Variants in C4orf54 observed in about 807,000 individuals in gnomAD.
C4orf54 encodes the protein uncharacterized protein C4orf54.
In C4orf54, 67 loss-of-function variants were observed where a neutral mutation model predicts 80.1. The ratio of observed to expected loss-of-function variants is 0.84; its 90% CI spans 0.69 to 1.03. The LOEUF (loss-of-function observed/expected upper bound fraction) is 1.03, where lower values mean the gene tolerates loss of function less well. Ranked by LOEUF, C4orf54 falls within the 50% of genes least tolerant of loss-of-function variation. C4orf54 has a pLI of 0.00. For synonymous variants in C4orf54, 1,000 were observed against 917.0 expected (o/e 1.09, Z -1.64); for missense variants, 2,434 against 2,253.5 (o/e 1.08, Z -1.62).
Position 99,653,642 on chromosome 4 carries a change from C to G in C4orf54, c.1007G>C (p.Gly336Ala), listed in dbSNP as rs1020828481. The G allele has an allele frequency of 2.6e-6, 4 of 1,533,924 alleles. No homozygotes were observed. Among genetic ancestry groups the G allele is most frequent in the African/African-American group, 1.4e-5 (1 of 72,952 alleles). Residue 336 changes from glycine to alanine, a missense_variant, in exon 2 of 3, where the codon GGG (glycine) becomes GCG (alanine). Transcript: ENST00000511828. Reference protein sequence around the residue: ...SGGGGGGKGGGGGGAGDGTEC... With the variant: ...SGGGGGGKGGAGGGAGDGTEC... ...TGTTCCATCTCCTGCCCCTCCTCCC[C>G]CTCCTCCTTTTCCTCCTCCCCCTCC...
In C4orf54 at chr4:99,649,312, AG is replaced by A. The variant is rs773434919; in HGVS notation, c.5336del (p.Pro1779LeufsTer8). 2.0e-6 allele frequency: 3 copies of A among 1,535,006 alleles called. No individual in the cohort carries two copies. In the South Asian group the frequency reaches 3.6e-5, roughly 18 times the overall value. The part of the protein sequence containing the change: ...QPLGPRIIAP[P>X]SFDGTTMSFV... ...AGCTCATGGTGGTGCCATCAAAGGA[AG>A]GGGGAGCAATGATCCGTGGCCCCAG... On this transcript the variant is annotated frameshift_variant, in exon 2 of 3. Coordinates refer to ENST00000511828, the MANE Select transcript of C4orf54 (RefSeq NM_001354435.2). LOFTEE classifies it low-confidence loss of function (END_TRUNC).
Position 99,653,773 on chromosome 4 carries a change from G to A in C4orf54, c.876C>T (p.Ser292=). The A allele has an allele frequency of 6.5e-7, 1 of 1,536,132 alleles. No individual in the cohort carries two copies. ...GLSKMEDSTT[S]TGALATSSSS... ...AAGAGGAGGTGGCCAGAGCCCCTGT[G>A]GATGTGGTGGAGTCCTCCATTTTGG... The change falls in exon 2 of 3, where the codon TCC becomes TCT. Residue 292 remains serine, a synonymous_variant. Transcript: ENST00000511828.
rs150080186 is a variant in C4orf54, at chr4:99,654,265, G to A, written c.384C>T (p.Ser128=). The A allele has an allele frequency of 8.6e-3, 13,135 of 1,536,030 alleles. 64 individuals carry two copies. The highest frequency in any genetic ancestry group is 0.01 in the Non-Finnish European group (11,905 of 1,146,800). Residue 128 remains serine (S), a synonymous_variant, in exon 2 of 3, where the codon AGC becomes AGT. Coordinates refer to ENST00000511828, the MANE Select transcript of C4orf54 (RefSeq NM_001354435.2). Reference sequence around the variant, plus strand: ...GCGACAGGAAGAGACAATGGTGATCGCTGGGGAAGTCTTGGGTCCGTCTCT... The same window carrying A: ...GCGACAGGAAGAGACAATGGTGATCACTGGGGAAGTCTTGGGTCCGTCTCT... ...RGQRRTQDFP[S]DHHCLFLSLK...
chr4:99,655,864 G>T (rs1464982116), intron 1 of C4orf54, among the ~76,000 whole-genome samples: 2 of 152,176 alleles, frequency 1.3e-5, no homozygotes, highest in African/African-American at 4.8e-5. Flanking sequence ...AACCACATTT[G>T]CAGGGAACAA....
Position 99,649,966 on chromosome 4 carries a change from G to A in C4orf54, c.4683C>T (p.His1561=). The change falls in exon 2 of 3, where the codon CAC becomes CAT. Residue 1561 remains histidine (H), a synonymous_variant. Coordinates refer to ENST00000511828, the MANE Select transcript of C4orf54 (RefSeq NM_001354435.2). The part of the protein sequence containing the change: ...SPEHPPTTIY[H]QPPLPFTLQG... ...GTAGGGTGAAGGGCAGCGGCGGCTG[G>A]TGGTAGATGGTGGTGGGGGGATGCT... 1 of 1,534,344 alleles carries A rather than the reference G, an allele frequency of 6.5e-7. No homozygotes were observed. The highest frequency in any genetic ancestry group is 8.7e-7 in the Non-Finnish European group (1 of 1,145,590).
At position 99,652,621 on chromosome 4, in the gene C4orf54, C is replaced by T; in HGVS notation, c.2028G>A (p.Val676=). The T allele has an allele frequency of 1.3e-6, 2 of 1,536,060 alleles. No individual in the cohort carries two copies. The highest frequency in any genetic ancestry group is 1.7e-6 in the Non-Finnish European group (2 of 1,146,878). Residue 676 remains valine, a synonymous_variant, in exon 2 of 3, where the codon GTG becomes GTA. Transcript: ENST00000511828. ...DLKCGGVGAR[V]EQSLLRSSAA... Reference sequence around the variant, plus strand: ...CGCTGCTCCTGAGGAGGCTCTGCTCCACCCTGGCCCCAACACCCCCACATT... The same window carrying T: ...CGCTGCTCCTGAGGAGGCTCTGCTCTACCCTGGCCCCAACACCCCCACATT...
At position 99,637,985 on chromosome 4, in the gene C4orf54, T is replaced by A. The variant is rs963475866; in HGVS notation, c.*3248A>T. On this transcript the variant is annotated 3_prime_UTR_variant, in exon 3 of 3. Transcript: ENST00000511828. ...GTATTATTTCAGGTAACGTGAGCAT[T>A]CAATTTGTAGCAAACACAGACTTTG... The A allele has an allele frequency of 1.3e-5, 2 of 152,192 alleles. No individual in the cohort carries two copies. Among genetic ancestry groups the A allele is most frequent in the African/African-American group, 4.8e-5 (2 of 41,452 alleles). The allele number at this position is 152,192 out of a possible 1,614,324, so 9.4% of individuals were successfully genotyped here. A position where few individuals can be genotyped will look rare whatever the true frequency, so the allele number is the denominator to read the frequency against.
In C4orf54 at chr4:99,648,554, AGTGTGTGTGTGT is replaced by A. The variant is rs60651888; in HGVS notation, c.*36+665_*36+676del. ...ATCCTCCCTCCCCCATAGAGAACAA[AGTGTGTGTGTGT>A]GTGTGTGTGTGTGTGTGTGTAAGAC... On this transcript the variant is annotated intron_variant, in intron 2 of 2. Transcript: ENST00000511828. Among the ~76,000 whole-genome samples, 10 of 145,738 alleles carry A rather than the reference AGTGTGTGTGTGT, an allele frequency of 6.9e-5. No homozygotes were observed. The East Asian group carries it at 1.2e-3, about 18-fold the overall frequency.
In C4orf54 at chr4:99,640,109, T is replaced by C. The variant is rs558985256; in HGVS notation, c.*1124A>G. Reference sequence around the variant, plus strand: ...GTCTTCCAGTCTTCAAGACTCCCTGTGAACACTCACTCAAATAGCCTTCAG... The same window carrying C: ...GTCTTCCAGTCTTCAAGACTCCCTGCGAACACTCACTCAAATAGCCTTCAG... On this transcript the variant is annotated 3_prime_UTR_variant, in exon 3 of 3. Coordinates refer to ENST00000511828, the MANE Select transcript of C4orf54 (RefSeq NM_001354435.2). 1.3e-5 allele frequency: 2 copies of C among 152,316 alleles called. No homozygotes were observed. Among genetic ancestry groups the C allele is most frequent in the African/African-American group, 2.4e-5 (1 of 41,588 alleles). The allele number at this position is 152,316 out of a possible 1,614,324, so 9.4% of individuals were successfully genotyped here.
intron 2 of C4orf54, 31 bp downstream of exon 2, chr4:99,649,199 TA>T: frequency 6.9e-7 from 1 of 1,445,568 alleles, no homozygotes; most frequent in South Asian, 1.5e-5. Flanking sequence ...CTTACTCTCT[TA>T]AACCTGATTA....
intron 2 of C4orf54, among the ~76,000 whole-genome samples, chr4:99,648,208 G>A (rs900251011): frequency 2.6e-5 from 4 of 152,106 alleles, no homozygotes; most frequent in Non-Finnish European, 5.9e-5. Context: ...ATCTGAAGGT[G>A]TCTTTGCCCT....
intron 2 of C4orf54, among the ~76,000 whole-genome samples, chr4:99,648,929 C>T (rs953038155): frequency 1.2e-4 from 18 of 152,110 alleles, no homozygotes; most frequent in African/African-American, 3.4e-4. Flanking sequence ...ACGTTCACCA[C>T]GGACAGACTG....
chr4:99,637,960 G>T lies in C4orf54; in HGVS notation c.*3273C>A, dbSNP rs1726537306. On this transcript the variant is annotated 3_prime_UTR_variant, in exon 3 of 3. Coordinates refer to ENST00000511828, the MANE Select transcript of C4orf54 (RefSeq NM_001354435.2). Reference sequence around the variant, plus strand: ...ATACTGTCCTGTCCTGCAGTCCAAAGTATTATTTCAGGTAACGTGAGCATT... The same window carrying T: ...ATACTGTCCTGTCCTGCAGTCCAAATTATTATTTCAGGTAACGTGAGCATT... 6.6e-6 allele frequency: 1 copy of T among 152,124 alleles called. No individual in the cohort carries two copies. Among genetic ancestry groups the T allele is most frequent in the African/African-American group, 2.4e-5 (1 of 41,438 alleles). 9.4% of individuals were successfully genotyped at this position (152,124 alleles called of 1,614,324 possible).
Position 99,654,585 on chromosome 4 carries a change from C to T in C4orf54, c.64G>A (p.Asp22Asn), listed in dbSNP as rs753181667. 30 of 702,670 alleles carry T rather than the reference C, an allele frequency of 4.3e-5. No homozygotes were observed. Among genetic ancestry groups the T allele is most frequent in the African/African-American group, 3.0e-4 (17 of 57,250 alleles). The allele number at this position is 702,670 out of a possible 1,614,324, so 43.5% of individuals were successfully genotyped here. The stretch of plus-strand genomic sequence containing the variant: ...CAGCAGCGAGGAGTCTGAATGCCAT[C>T]GGCCACGGAAGAAGCAGCATCTGTA... The part of the protein sequence containing the change: ...QPTDAASSVA[D>N]GIQTPRCCRR... Residue 22 changes from aspartate to asparagine, a missense_variant, in exon 2 of 3, where the codon GAT becomes AAT. Transcript: ENST00000511828.
chr4:99,644,064 A>C (rs1726656294), intron 2 of C4orf54, among the ~76,000 whole-genome samples: 1 of 152,178 alleles, frequency 6.6e-6, no homozygotes. Flanking sequence ...TACAACAAAG[A>C]ACTGAGACCA....
Position 99,653,327 on chromosome 4 carries a change from GTGT to G in C4orf54, c.1319_1321del (p.Asn440del). The stretch of plus-strand genomic sequence containing the variant: ...GCTTGTAGGGCTGGGCGTCCGGGTG[GTGT>G]TGGTGCTGGGAGTGGTGCTGAGGTA... On this transcript the variant is annotated inframe_deletion, in exon 2 of 3. Coordinates refer to ENST00000511828, the MANE Select transcript of C4orf54 (RefSeq NM_001354435.2). 6.5e-7 allele frequency: 1 copy of G among 1,534,518 alleles called. No homozygotes were observed. Among genetic ancestry groups the G allele is most frequent in the Non-Finnish European group, 8.7e-7 (1 of 1,145,546 alleles).
Position 99,649,764 on chromosome 4 carries a change from G to C in C4orf54, c.4885C>G (p.Gln1629Glu). The C allele has an allele frequency of 6.5e-7, 1 of 1,536,252 alleles. No homozygotes were observed. Among genetic ancestry groups the C allele is most frequent in the Non-Finnish European group, 8.7e-7 (1 of 1,146,916 alleles). The change falls in exon 2 of 3, where the codon CAG (glutamine) becomes GAG (glutamate). Residue 1629 changes from glutamine (Q) to glutamate (E), a missense_variant. Gln to Glu is a conservative substitution (Grantham distance 29, BLOSUM62 2). Coordinates refer to ENST00000511828, the MANE Select transcript of C4orf54 (RefSeq NM_001354435.2). The stretch of plus-strand genomic sequence containing the variant: ...TCAAACAGTCTCCGGGTCATGGGCT[G>C]TACTGGTGTGTCCACCAGATAGTAC... ...GQYYLVDTPV[Q>E]PMTRRLFDPE...
In C4orf54 at chr4:99,653,570, G is replaced by C. The variant is rs900721589; in HGVS notation, c.1079C>G (p.Pro360Arg). Residue 360 changes from proline (P) to arginine (R), a missense_variant, in exon 2 of 3, where the codon CCC (proline) becomes CGC (arginine). By Grantham distance (103) the Pro-to-Arg change is moderately radical. Transcript: ENST00000511828. ...GATGTAGTGAGCCTCTTCGACTTTG[G>C]GGGGGTCCCTGCTGCCCTGGGACTT... is the stretch of plus-strand genomic sequence containing the variant. ...IAKSQGSRDP[P>R]KVEEAHYITT... The C allele has an allele frequency of 8.5e-6, 13 of 1,535,690 alleles. No individual in the cohort carries two copies. The highest frequency in any genetic ancestry group is 1.7e-4 in the Middle Eastern group (1 of 6,010).
rs1454495027 is a variant in C4orf54 at position 99,653,491 on chromosome 4, C to T, written c.1158G>A (p.Val386=). ...SEVEQDMDFD[V]GLASRWDFED... ...CGAAATCCCAGCGGGAGGCCAGTCC[C>T]ACGTCGAAATCCATGTCCTGTTCCA... The change falls in exon 2 of 3, where the codon GTG becomes GTA. Residue 386 remains valine, a synonymous_variant. Coordinates refer to ENST00000511828, the MANE Select transcript of C4orf54 (RefSeq NM_001354435.2). The T allele has an allele frequency of 6.5e-7, 1 of 1,536,094 alleles. No individual in the cohort carries two copies. The highest frequency in any genetic ancestry group is 2.4e-5 in the East Asian group (1 of 40,912).
Sources: allele counts gnomAD v4.1 joint callset (sites outside exome capture counted in the v4.1 genomes callset), GRCh38; gene constraint gnomAD v4.1.1; transcripts MANE v1.5; gene names NCBI Gene and HGNC (gene_info 2026-07-23, HGNC 2026-07-21).